GALNT13: variants seen among roughly 807,000 people sequenced by gnomAD.
GALNT13 encodes polypeptide N-acetylgalactosaminyltransferase 13.
A neutral mutation model predicts 64.2 loss-of-function variants in GALNT13; 28 were observed. That is an observed-to-expected ratio of 0.44 (90% CI 0.32 to 0.60). GALNT13 has a LOEUF of 0.60. Ranked by LOEUF, GALNT13 falls within the 20% of genes least tolerant of loss-of-function variation. The pLI is 0.05. For synonymous variants in GALNT13, 214 were observed against 224.6 expected, an observed-to-expected ratio of 0.95 and a Z score of 0.42; for missense variants, 577 against 669.8, an observed-to-expected ratio of 0.86 and a Z score of 1.53.
intron 3 of GALNT13, among the ~76,000 whole-genome samples, chr2:154,096,848 G>T (rs376322850): frequency 6.6e-6 from 1 of 151,996 alleles, no homozygotes; most frequent in Non-Finnish European, 1.5e-5. Context: ...TGATAAAGAT[G>T]AAGTTGGAAG....
At chr2:154,145,750 G>T (rs1247177012) in intron 4 of GALNT13, among the ~76,000 whole-genome samples, 1 of 151,876 alleles carries the variant, frequency 6.6e-6, no homozygotes, top group East Asian at 1.9e-4. Flanking sequence ...AAAGGACAAA[G>T]AATTTATTTA....
At chr2:154,071,781 A>T (rs1263227988) in intron 3 of GALNT13, among the ~76,000 whole-genome samples, 1 of 152,072 alleles carries the variant, frequency 6.6e-6, no homozygotes, top group Non-Finnish European at 1.5e-5. Context: ...TCCTTTTTGC[A>T]GCCTAGTTAG....
the GALNT13 span, among the ~76,000 whole-genome samples, chr2:153,209,976 ATATAAT>A: frequency 6.6e-6 from 1 of 152,100 alleles, no homozygotes; most frequent in Admixed American, 6.5e-5. Flanking sequence ...TGTTTTTAGT[ATATAAT>A]TATATTTGAA....
the GALNT13 span, among the ~76,000 whole-genome samples, chr2:153,314,161 G>A: frequency 6.6e-6 from 1 of 152,128 alleles, no homozygotes; most frequent in Non-Finnish European, 1.5e-5. Context: ...TTTCACTAGA[G>A]GATCTAAGCA....
chr2:154,081,334 T>C (rs1245705656), intron 3 of GALNT13, among the ~76,000 whole-genome samples: 1 of 151,668 alleles, frequency 6.6e-6, no homozygotes, highest in African/African-American at 2.4e-5. Flanking sequence ...TCTCTTAGCC[T>C]TCTACCTTCT....
intron 9 of GALNT13, among the ~76,000 whole-genome samples, chr2:154,344,475 GA>G (rs1053285567): frequency 8.4e-5 from 8 of 95,602 alleles, no homozygotes; most frequent in South Asian, 3.4e-4. Flanking sequence ...ACATCATGGG[GA>G]AAAAATTGTT....
At chr2:153,623,289 A>G in the GALNT13 span, among the ~76,000 whole-genome samples, 22 of 152,212 alleles carry the variant, frequency 1.4e-4, no homozygotes, top group Admixed American at 4.6e-4. Context: ...GCTTTCCCTC[A>G]TCTGTAGAAT....
At chr2:153,114,872 G>A in the GALNT13 span, among the ~76,000 whole-genome samples, 2 of 151,654 alleles carry the variant, frequency 1.3e-5, no homozygotes, top group East Asian at 3.9e-4. Context: ...GTATAGCATA[G>A]TAGTTAAACA....
the GALNT13 span, among the ~76,000 whole-genome samples, chr2:153,317,063 T>C: frequency 6.6e-6 from 1 of 152,208 alleles, no homozygotes; most frequent in African/African-American, 2.4e-5. Flanking sequence ...TACCTACATA[T>C]AGTTTTCTCT....
chr2:153,705,033 T>C, the GALNT13 span, among the ~76,000 whole-genome samples: 57 of 152,228 alleles, frequency 3.7e-4, 1 homozygote, highest in Non-Finnish European at 2.9e-5. Flanking sequence ...CAACATTGCA[T>C]ACCTCAGCAT....
chr2:154,202,341 G>A (rs1440452066), intron 4 of GALNT13, among the ~76,000 whole-genome samples: 1 of 152,004 alleles, frequency 6.6e-6, no homozygotes, highest in East Asian at 1.9e-4. Flanking sequence ...CCCTGATGAA[G>A]TTCTATTTTT....
At chr2:153,876,999 C>T (rs1462310256) in intron 1 of GALNT13, among the ~76,000 whole-genome samples, 8 of 152,034 alleles carry the variant, frequency 5.3e-5, no homozygotes, top group African/African-American at 1.9e-4. Flanking sequence ...CAGAAATGAA[C>T]TCAAACACAA....
chr2:153,246,972 AG>A, the GALNT13 span, among the ~76,000 whole-genome samples: 2 of 152,224 alleles, frequency 1.3e-5, no homozygotes, highest in African/African-American at 4.8e-5. Flanking sequence ...GCAAATGAAA[AG>A]AGAAAAAAAG....
chr2:153,791,358 A>T, the GALNT13 span, among the ~76,000 whole-genome samples: 1 of 152,174 alleles, frequency 6.6e-6, no homozygotes, highest in Non-Finnish European at 1.5e-5. Context: ...GTTATTATTA[A>T]GTTGGTGCAA....
chr2:154,358,680 T>C (rs1052706619), intron 9 of GALNT13, among the ~76,000 whole-genome samples: 3 of 152,128 alleles, frequency 2.0e-5, no homozygotes, highest in Admixed American at 6.6e-5. Context: ...TTTCAAATTA[T>C]ATCCTTATTT....
chr2:153,250,917 C>T, the GALNT13 span, among the ~76,000 whole-genome samples: 1 of 152,070 alleles, frequency 6.6e-6, no homozygotes, highest in Admixed American at 6.6e-5. Context: ...AGGACAAATA[C>T]CTAATGCATG....
chr2:153,351,572 T>G, the GALNT13 span, among the ~76,000 whole-genome samples: 1 of 74,628 alleles, frequency 1.3e-5, no homozygotes, highest in Non-Finnish European at 3.8e-5. Flanking sequence ...TTTAGAATCA[T>G]AGAGAGTTGT....
chr2:154,416,905 G>A lies in GALNT13; in HGVS notation c.1395+7823G>A, dbSNP rs191493755. Among the ~76,000 whole-genome samples the A allele has an allele frequency of 2.9e-3, 435 of 152,076 alleles. 2 individuals carry two copies. Among genetic ancestry groups the A allele is most frequent in the African/African-American group, 0.01 (423 of 41,516 alleles). ...GGCGTCAAAGTTGTACCATATCCTG[G>A]GCTTGCAGCCATTGTTTCAAACTCA... On this transcript the variant is annotated intron_variant, in intron 11 of 12. Transcript: ENST00000392825.
intron 5 of GALNT13, 90 bp from the exon 6 acceptor site, chr2:154,242,608 T>C: frequency 1.3e-6 from 1 of 787,168 alleles, no homozygotes; most frequent in Admixed American, 2.3e-5. Context: ...CCACCATTTC[T>C]GTGTGTTGAA....
Sources: gnomAD v4.1 joint callset for allele counts (sites outside exome capture counted in the v4.1 genomes callset) on GRCh38, gnomAD v4.1.1 for gene constraint, MANE v1.5 for transcripts, NCBI Gene and HGNC (gene_info 2026-07-23, HGNC 2026-07-21) for gene names.